The following ZNF804A variants were observed in gnomAD, a reference collection of about 807,000 sequenced individuals.
The protein encoded by ZNF804A is zinc finger protein 804A.
ZNF804A carries 2 observed loss-of-function variants against 16.5 expected under a neutral mutation model. That is an observed-to-expected ratio of 0.12 (90% CI 0.05 to 0.38). The LOEUF is 0.38. ZNF804A is among the 10% of genes least tolerant of loss of function. The pLI is 0.99. For missense variants in ZNF804A, 1,473 were observed against 1,390.7 expected (o/e 1.06, Z -0.94); for synonymous variants, 534 against 489.6 (o/e 1.09, Z -1.20).
At chr2:184,917,284 C>T (rs1318454412) in intron 2 of ZNF804A, among the ~76,000 whole-genome samples, 5 of 152,098 alleles carry the variant, frequency 3.3e-5, no homozygotes, top group Admixed American at 3.3e-4. Flanking sequence ...CTGCATACAA[C>T]CCAAAAGATA....
intron 1 of ZNF804A, among the ~76,000 whole-genome samples, chr2:184,698,305 C>T (rs1217400454): frequency 6.6e-6 from 1 of 152,026 alleles, no homozygotes; most frequent in Non-Finnish European, 1.5e-5. Flanking sequence ...TTTTAATCCT[C>T]CAAATTCATT....
intron 1 of ZNF804A, among the ~76,000 whole-genome samples, chr2:184,847,651 A>T (rs1695540886): frequency 1.3e-5 from 2 of 151,914 alleles, no homozygotes; most frequent in Admixed American, 1.3e-4. Flanking sequence ...TAATCCTCCA[A>T]ATCTCTGGAC....
chr2:184,794,738 C>T (rs545228269), intron 1 of ZNF804A, among the ~76,000 whole-genome samples: 6 of 152,140 alleles, frequency 3.9e-5, no homozygotes, highest in Admixed American at 1.3e-4. Context: ...ATTTACCAAC[C>T]AACTATCTGC....
At position 184,766,487 on chromosome 2, in the gene ZNF804A, G is replaced by C. The variant is rs1369832481; in HGVS notation, c.112-99882G>C. On this transcript the variant is annotated intron_variant, in intron 1 of 3. Transcript: ENST00000302277. ...ATAAATATTAAAGAGTCTAATTGAG[G>C]CTTCTGTTTTAGAGTGAATATATAA... Among the ~76,000 whole-genome samples the C allele has an allele frequency of 2.6e-5, 4 of 151,712 alleles. No homozygotes were observed. The East Asian group carries it at 7.8e-4, about 30-fold the overall frequency.
At chr2:184,922,449 G>T (rs1685542999) in intron 2 of ZNF804A, among the ~76,000 whole-genome samples, 2 of 151,980 alleles carry the variant, frequency 1.3e-5, no homozygotes, top group Non-Finnish European at 1.5e-5. Context: ...CTGATTATTT[G>T]ATTTTTTTCT....
chr2:184,676,731 T>G (rs1457358053), intron 1 of ZNF804A, among the ~76,000 whole-genome samples: 3 of 151,816 alleles, frequency 2.0e-5, no homozygotes, highest in African/African-American at 7.2e-5. Context: ...GTTTACTGGT[T>G]AATCTGCACC....
intron 2 of ZNF804A, among the ~76,000 whole-genome samples, chr2:184,928,726 T>G (rs1685646999): frequency 6.6e-6 from 1 of 152,182 alleles, no homozygotes; most frequent in African/African-American, 2.4e-5. Flanking sequence ...GATGGTCCAT[T>G]CCCCTCTGGC....
chr2:184,911,662 TA>T (rs762887831), intron 2 of ZNF804A, among the ~76,000 whole-genome samples: 5 of 146,426 alleles, frequency 3.4e-5, no homozygotes, highest in Non-Finnish European at 7.7e-5. Flanking sequence ...TAGTGCTTTG[TA>T]GTTTTCCTTG....
At chr2:184,823,908 A>C (rs964197202) in intron 1 of ZNF804A, among the ~76,000 whole-genome samples, 4 of 152,220 alleles carry the variant, frequency 2.6e-5, no homozygotes, top group Non-Finnish European at 5.9e-5. Flanking sequence ...TAAATCTTAT[A>C]TCAAAAATAC....
intron 2 of ZNF804A, among the ~76,000 whole-genome samples, chr2:184,896,378 G>A (rs186067152): frequency 6.7e-6 from 1 of 149,586 alleles, no homozygotes; most frequent in East Asian, 1.9e-4. Context: ...TCAGATAGGG[G>A]TACAGTTTAC....
chr2:184,816,493 T>C (rs1489075727), intron 1 of ZNF804A, among the ~76,000 whole-genome samples: 1 of 152,064 alleles, frequency 6.6e-6, no homozygotes, highest in Non-Finnish European at 1.5e-5. Context: ...ACTCTTAAGC[T>C]CAGGGATTTC....
intron 1 of ZNF804A, among the ~76,000 whole-genome samples, chr2:184,852,143 A>G (rs1310468603): frequency 6.6e-6 from 1 of 151,686 alleles, no homozygotes; most frequent in Non-Finnish European, 1.5e-5. Flanking sequence ...TGTGGAGGAT[A>G]TTTTCCAAGA....
chr2:184,908,142 C>A (rs1450236026), intron 2 of ZNF804A, among the ~76,000 whole-genome samples: 1 of 152,104 alleles, frequency 6.6e-6, no homozygotes, highest in African/African-American at 2.4e-5. Flanking sequence ...GTCAGCAGTC[C>A]TAAAGGCAAG....
chr2:184,897,623 C>T (rs1404412797), intron 2 of ZNF804A, among the ~76,000 whole-genome samples: 5 of 152,136 alleles, frequency 3.3e-5, no homozygotes, highest in African/African-American at 1.2e-4. Context: ...TTTGATCTTT[C>T]TCCAACACTT....
At chr2:184,918,524 A>G (rs1685485709) in intron 2 of ZNF804A, among the ~76,000 whole-genome samples, 1 of 152,194 alleles carries the variant, frequency 6.6e-6, no homozygotes, top group African/African-American at 2.4e-5. Context: ...TTCAGAACAT[A>G]TACAGCTTTC....
intron 1 of ZNF804A, among the ~76,000 whole-genome samples, chr2:184,655,715 C>T (rs964397199): frequency 9.9e-5 from 15 of 151,274 alleles, no homozygotes; most frequent in African/African-American, 3.6e-4. Context: ...TGATAGATGG[C>T]ATATTAAGCA....
At chr2:184,906,620 TCTTTA>T (rs1685279633) in intron 2 of ZNF804A, among the ~76,000 whole-genome samples, 1 of 152,084 alleles carries the variant, frequency 6.6e-6, no homozygotes, top group South Asian at 2.1e-4. Flanking sequence ...TTTAATGTCA[TCTTTA>T]CTTTATTCTC....
chr2:184,862,383 G>A (rs1175475898), intron 1 of ZNF804A, among the ~76,000 whole-genome samples: 1 of 152,108 alleles, frequency 6.6e-6, no homozygotes, highest in Admixed American at 6.5e-5. Flanking sequence ...ATACAATATT[G>A]AAGTCTTTTT....
At chr2:184,751,194 G>A (rs1164099385) in intron 1 of ZNF804A, among the ~76,000 whole-genome samples, 1 of 151,480 alleles carries the variant, frequency 6.6e-6, no homozygotes, top group Non-Finnish European at 1.5e-5. Flanking sequence ...TATATACAGA[G>A]AGGTAGGATT....
Sources: allele counts gnomAD v4.1 joint callset (sites outside exome capture counted in the v4.1 genomes callset), GRCh38; gene constraint gnomAD v4.1.1; transcripts MANE v1.5; gene names NCBI Gene and HGNC (gene_info 2026-07-23, HGNC 2026-07-21).